NEB: variants seen among roughly 807,000 people sequenced by gnomAD.
NEB encodes nemaline myopathy type 2.
A neutral mutation model predicts 952.2 loss-of-function variants in NEB; 512 were observed. The observed-to-expected ratio is 0.54, with a 90% CI of 0.50 to 0.58. The LOEUF (loss-of-function observed/expected upper bound fraction) is 0.58. Ranked by LOEUF, NEB falls within the 20% of genes least tolerant of loss-of-function variation. The pLI is 0.00. For synonymous variants in NEB, 2,900 were observed against 3,149.8 expected, an observed-to-expected ratio of 0.92 and a Z score of 2.66; for missense variants, 8,428 against 9,231.1, an observed-to-expected ratio of 0.91 and a Z score of 3.56.
intron 46 of NEB, among the ~76,000 whole-genome samples, chr2:151,659,885 A>C (rs1293880106): frequency 6.6e-6 from 1 of 152,134 alleles, no homozygotes; most frequent in African/African-American, 2.4e-5. Flanking sequence ...TTTCATTAGG[A>C]GGTATAATCT....
intron 13 of NEB, among the ~76,000 whole-genome samples, chr2:151,698,895 T>C (rs2099622254): frequency 6.7e-6 from 1 of 150,150 alleles, no homozygotes; most frequent in African/African-American, 2.4e-5. Context: ...ATACTTTAAG[T>C]TTTAGGGTAC....
chr2:151,674,468 T>C lies in NEB; in HGVS notation c.3987+9A>G, dbSNP rs376429348. The C allele has an allele frequency of 6.2e-7, 1 of 1,608,418 alleles. No homozygotes were observed. Among genetic ancestry groups the C allele is most frequent in the African/African-American group, 1.3e-5 (1 of 74,832 alleles). ...AAACACCTAAACTTCACCTAAAATT[T>C]GTACTCACATCACTGGCAATGTTTC... On this transcript the variant is annotated intron_variant, in intron 36 of 181. Coordinates refer to ENST00000397345, the MANE Select transcript of NEB (RefSeq NM_001164508.2).
At chr2:151,614,651 C>A in intron 76 of NEB, 64 bp from the exon 77 acceptor site, 1 of 1,475,108 alleles carries the variant, frequency 6.8e-7, no homozygotes, top group South Asian at 1.3e-5. Context: ...TTCATAGGTT[C>A]ACATTCACAT....
In NEB at chr2:151,530,998, C is replaced by G; in HGVS notation, c.21626G>C (p.Ser7209Thr). The G allele has an allele frequency of 6.2e-7, 1 of 1,607,800 alleles. No homozygotes were observed. The highest frequency in any genetic ancestry group is 1.3e-5 in the African/African-American group (1 of 74,978). The change falls in exon 145 of 182, where the codon AGT becomes ACT. Residue 7209 changes from serine to threonine, a missense_variant. Ser to Thr is a moderately conservative substitution (Grantham distance 58, BLOSUM62 1). Coordinates refer to ENST00000397345, the MANE Select transcript of NEB (RefSeq NM_001164508.2). ...CTAAACCATTCTAGTACTTACATCA[C>G]TGACTTCATCTTTAACCTTGCGGAC... is the stretch of plus-strand genomic sequence containing the variant. ...LHVRKVKDEV[S>T]DLKYKEVYQR...
chr2:151,681,888 G>A (rs1353866475), intron 29 of NEB, among the ~76,000 whole-genome samples: 1 of 152,046 alleles, frequency 6.6e-6, no homozygotes, highest in Non-Finnish European at 1.5e-5. Flanking sequence ...TATAATAACT[G>A]CATTATTCAT....
chr2:151,643,972 C>T lies in NEB; in HGVS notation c.7802G>A (p.Ser2601Asn). The T allele has an allele frequency of 1.2e-6, 2 of 1,613,988 alleles. No individual in the cohort carries two copies. Among genetic ancestry groups the T allele is most frequent in the Admixed American group, 3.3e-5 (2 of 60,024 alleles). The stretch of plus-strand genomic sequence containing the variant: ...CACCCCCAGCATGTCCACTGGGCTG[C>T]TGAACTTGGTCTTCCACTTCTCAAA... The part of the protein sequence containing the change: ...KDFEKWKTKF[S>N]SPVDMLGVVL... The change falls in exon 57 of 182, where the codon AGC (serine) becomes AAC (asparagine). Residue 2601 changes from serine (S) to asparagine (N), a missense_variant. Physicochemically the swap from Ser to Asn is conservative, Grantham distance 46. Transcript: ENST00000397345.
Position 151,595,421 on chromosome 2 carries a change from T to TTTTGTTTG in NEB, c.14205+631_14205+638dup, listed in dbSNP as rs559070193. The stretch of plus-strand genomic sequence containing the variant: ...CTCCCGCCACCACGCCCAGCTAAGT[T>TTTTGTTTG]TTTGTTTGTTTGTTTGTTTGTTTGT... On this transcript the variant is annotated intron_variant, in intron 92 of 181. Transcript: ENST00000397345. Among the ~76,000 whole-genome samples, 710 of 147,782 alleles carry TTTTGTTTG rather than the reference T, an allele frequency of 4.8e-3. 1 individual carries two copies. Among genetic ancestry groups the TTTTGTTTG allele is most frequent in the African/African-American group, 0.017 (665 of 38,846 alleles).
At chr2:151,501,365 G>GAGTT (rs1409138467) in intron 168 of NEB, 26 bp downstream of exon 168, 1 of 1,374,064 alleles carries the variant, frequency 7.3e-7, no homozygotes, top group Admixed American at 2.0e-5. Flanking sequence ...TTTTAATATG[G>GAGTT]AGTTAAAGAG....
At chr2:151,717,732 T>C (rs984291960) in intron 9 of NEB, among the ~76,000 whole-genome samples, 1 of 152,200 alleles carries the variant, frequency 6.6e-6, no homozygotes, top group African/African-American at 2.4e-5. Flanking sequence ...TTCATTTCCA[T>C]GCCATGGTTT....
chr2:151,568,298 T>G lies in NEB; in HGVS notation c.17736+18A>C. 1.2e-6 allele frequency: 2 copies of G among 1,608,126 alleles called. No individual in the cohort carries two copies. Among genetic ancestry groups the G allele is most frequent in the Non-Finnish European group, 1.7e-6 (2 of 1,174,950 alleles). On this transcript the variant is annotated intron_variant, in intron 112 of 181. Coordinates refer to ENST00000397345, the MANE Select transcript of NEB (RefSeq NM_001164508.2). ...TCCACTCGTACACAAACACCAGGCA[T>G]GTGGGTGAAACCCATACCTGGTCCA...
chr2:151,569,412 C>A, intron 109 of NEB, 40 bp from the exon 110 acceptor site: 1 of 1,473,098 alleles, frequency 6.8e-7, no homozygotes, highest in South Asian at 1.1e-5. Context: ...CAACCCTGGT[C>A]ATGTGGTCCT....
Position 151,620,345 on chromosome 2 carries a change from GTGTATATATATATATATATATA to G in NEB, c.10560+552_10560+573del, listed in dbSNP as rs1246253798. On this transcript the variant is annotated intron_variant, in intron 72 of 181. Transcript: ENST00000397345. ...TTTTATTATATATATATGTATGTGT[GTGTATATATATATATATATATA>G]TATATATATATATATATATATATAT... 1.9e-4 allele frequency among the ~76,000 whole-genome samples: 17 copies of G among 87,934 alleles called. 1 individual carries two copies. The highest frequency in any genetic ancestry group is 4.3e-4 in the South Asian group (1 of 2,316). The allele number at this position is 87,934 out of a possible 152,430, so 57.7% of individuals were successfully genotyped here. A position where few individuals can be genotyped will look rare whatever the true frequency, so the allele number is the denominator to read the frequency against.
intron 71 of NEB, among the ~76,000 whole-genome samples, chr2:151,623,432 T>G (rs1157099965): frequency 6.6e-6 from 1 of 152,144 alleles, no homozygotes; most frequent in Non-Finnish European, 1.5e-5. Flanking sequence ...GGAAAATCCC[T>G]AAAAAGTGTG....
intron 124 of NEB, among the ~76,000 whole-genome samples, chr2:151,556,588 A>G (rs2095658846): frequency 6.6e-6 from 1 of 152,226 alleles, no homozygotes; most frequent in African/African-American, 2.4e-5. Flanking sequence ...CAGACTTTAA[A>G]CCAACAAAGA....
chr2:151,533,927 C>T (rs2092476941), intron 142 of NEB, among the ~76,000 whole-genome samples: 1 of 152,204 alleles, frequency 6.6e-6, no homozygotes, highest in South Asian at 2.1e-4. Context: ...GCAACTCAAT[C>T]TGCAGTTTAC....
chr2:151,679,590 C>T (rs1171406928), intron 32 of NEB, 131 bp downstream of exon 32: 1 of 637,906 alleles, frequency 1.6e-6, no homozygotes, highest in African/African-American at 1.8e-5. Context: ...ACTTTATTTC[C>T]TAAATAGTTT....
intron 172 of NEB, among the ~76,000 whole-genome samples, chr2:151,496,719 A>T (rs886354783): frequency 6.6e-6 from 1 of 152,124 alleles, no homozygotes; most frequent in Non-Finnish European, 1.5e-5. Context: ...ACTCATTTTT[A>T]AAAAATGATT....
At chr2:151,559,099 A>G (rs1559914076) in intron 124 of NEB, among the ~76,000 whole-genome samples, 5 of 134,618 alleles carry the variant, frequency 3.7e-5, no homozygotes, top group African/African-American at 1.4e-4. Flanking sequence ...TACAAGAAAA[A>G]AACAAACAAC....
At chr2:151,707,343 T>C (rs1169241469) in intron 12 of NEB, among the ~76,000 whole-genome samples, 1 of 152,216 alleles carries the variant, frequency 6.6e-6, no homozygotes, top group Non-Finnish European at 1.5e-5. Flanking sequence ...ATAGTGATCA[T>C]GCATAATGTC....
Sources: allele counts gnomAD v4.1 joint callset (sites outside exome capture counted in the v4.1 genomes callset), GRCh38; gene constraint gnomAD v4.1.1; transcripts MANE v1.5; gene names NCBI Gene and HGNC (gene_info 2026-07-23, HGNC 2026-07-21).